The following PTCRA variants were observed in gnomAD, a reference collection of about 807,000 sequenced individuals.
PTCRA encodes pre T-cell antigen receptor alpha.
PTCRA carries 9 observed loss-of-function variants against 13.4 expected under a neutral mutation model. The ratio of observed to expected loss-of-function variants is 0.67; its 90% confidence interval spans 0.41 to 1.18. The LOEUF (loss-of-function observed/expected upper bound fraction) is 1.18, where lower values mean the gene tolerates loss of function less well. Ranked by LOEUF, PTCRA falls within the 50% of genes most tolerant of loss-of-function variation. The probability of loss-of-function intolerance (pLI) is 0.01; values close to 1 mark genes in which losing one functional copy is unlikely to be tolerated. For synonymous variants in PTCRA, 153 were observed against 161.9 expected, an observed-to-expected ratio of 0.94 and a Z score of 0.42; for missense variants, 353 against 359.8, an observed-to-expected ratio of 0.98 and a Z score of 0.15.
chr6:42,924,280 ACT>A lies in PTCRA; in HGVS notation c.424+9_424+10del, dbSNP rs961816382. 15 of 1,611,602 alleles carry A rather than the reference ACT, an allele frequency of 9.3e-6. No individual in the cohort carries two copies. Among genetic ancestry groups the A allele is most frequent in the Non-Finnish European group, 1.1e-5 (13 of 1,179,026 alleles). On this transcript the variant is annotated splice_region_variant and intron_variant, in intron 3 of 3. Transcript: ENST00000304672. ...CCCCAGGAGCCTCTCAGGGGTGAGT[ACT>A]CCGGGCAAGGGGTGGGGAATAAGAG...
In PTCRA at chr6:42,925,350, C is replaced by T. The variant is rs1767379203; in HGVS notation, c.514C>T (p.Leu172=). Residue 172 remains leucine (L), a synonymous_variant, in exon 4 of 4, where the codon CTG becomes TTG. Coordinates refer to ENST00000304672, the MANE Select transcript of PTCRA (RefSeq NM_138296.3). The surrounding 1 kb of genome is among the most constrained non-coding windows in gnomAD (Gnocchi z 4.4). ...TGACCTGCTCCTGACCTGCAGCTGC[C>T]TGTGCGACCCCGCGGGCCCGCTGCC... The part of the protein sequence containing the change: ...LFDLLLTCSC[L]CDPAGPLPSP... 1 of 1,568,404 alleles carries T rather than the reference C, an allele frequency of 6.4e-7. No individual in the cohort carries two copies. The highest frequency in any genetic ancestry group is 2.3e-5 in the East Asian group (1 of 42,758).
chr6:42,923,896 C>T (rs2114133118), intron 2 of PTCRA, among the ~76,000 whole-genome samples: 1 of 152,264 alleles, frequency 6.6e-6, no homozygotes, highest in South Asian at 2.1e-4. Context: ...GGGATTATCT[C>T]AATTTTGTCA....
At chr6:42,918,418 G>A (rs1766977160) in intron 1 of PTCRA, among the ~76,000 whole-genome samples, 1 of 151,840 alleles carries the variant, frequency 6.6e-6, no homozygotes, top group Non-Finnish European at 1.5e-5. Flanking sequence ...GCCACGCGTG[G>A]TGGTAGGTGC....
At chr6:42,917,526 A>ATATTATTATTATTAT (rs71547824) in intron 1 of PTCRA, among the ~76,000 whole-genome samples, 12 of 131,702 alleles carry the variant, frequency 9.1e-5, no homozygotes, top group East Asian at 2.2e-4. Flanking sequence ...CCAGCCCGTT[A>ATATTATTATTATTAT]TATTATTATT....
chr6:42,918,439 A>T (rs150902009), intron 1 of PTCRA, among the ~76,000 whole-genome samples: 1,802 of 152,026 alleles, frequency 0.012, 36 homozygotes, highest in African/African-American at 0.04. Context: ...CTGTAATCCC[A>T]GCTACTCAGG....
Position 42,925,672 on chromosome 6 carries a change from G to C in PTCRA, c.836G>C (p.Gly279Ala). ...AGDLPPPLQAGAA is the reference protein window; with the variant it reads ...AGDLPPPLQAAAA ...GACCTGCCTCCTCCTCTGCAGGCTGGAGCTGCCTGAGGGCAGGGCTCTACC... is the reference window on the plus strand; with the variant it reads ...GACCTGCCTCCTCCTCTGCAGGCTGCAGCTGCCTGAGGGCAGGGCTCTACC... The change falls in exon 4 of 4, where the codon GGA becomes GCA. Residue 279 changes from glycine (G) to alanine (A), a missense_variant. Coordinates refer to ENST00000304672, the MANE Select transcript of PTCRA (RefSeq NM_138296.3). This position sits in a 1 kb window ranked among gnomAD's most constrained non-coding sequence, Gnocchi z 4.4. 1 of 1,526,402 alleles carries C rather than the reference G, an allele frequency of 6.6e-7. No homozygotes were observed. Among genetic ancestry groups the C allele is most frequent in the Non-Finnish European group, 8.8e-7 (1 of 1,136,966 alleles). The allele number at this position is 1,526,402 out of a possible 1,614,324, so 94.6% of individuals were successfully genotyped here.
chr6:42,924,901 G>A (rs1017242181), intron 3 of PTCRA, among the ~76,000 whole-genome samples: 1 of 151,996 alleles, frequency 6.6e-6, no homozygotes, highest in Non-Finnish European at 1.5e-5. Flanking sequence ...AACCCGGGAG[G>A]TGGAGGTTGC....
chr6:42,921,485 T>G (rs1767160001), intron 1 of PTCRA, among the ~76,000 whole-genome samples: 1 of 143,154 alleles, frequency 7.0e-6, no homozygotes, highest in Non-Finnish European at 1.5e-5. Context: ...TGGCGTGATC[T>G]AGGCTCACTG....
chr6:42,923,408 G>A, intron 2 of PTCRA, 61 bp downstream of exon 2: 1 of 1,520,622 alleles, frequency 6.6e-7, no homozygotes, highest in Non-Finnish European at 9.1e-7. Flanking sequence ...ACCAGGATAT[G>A]GTTGGAGGGA....
chr6:42,923,312 G>T lies in PTCRA; in HGVS notation c.344G>T (p.Gly115Val), dbSNP rs755548523. ...LVCHTGPGAE[G>V]HSRSTQPMHL... ...TGCCACACTGGGCCTGGGGCTGAGGGTCACAGCAGGAGTACACAGCCCATG... is the reference window on the plus strand; with the variant it reads ...TGCCACACTGGGCCTGGGGCTGAGGTTCACAGCAGGAGTACACAGCCCATG... Residue 115 changes from glycine to valine, a missense_variant, in exon 2 of 4, where the codon GGT (glycine) becomes GTT (valine). Gly to Val is a moderately radical substitution (Grantham distance 109, BLOSUM62 -3). Coordinates refer to ENST00000304672, the MANE Select transcript of PTCRA (RefSeq NM_138296.3). 2 of 1,614,190 alleles carry T rather than the reference G, an allele frequency of 1.2e-6. No individual in the cohort carries two copies. Among genetic ancestry groups the T allele is most frequent in the Non-Finnish European group, 8.5e-7 (1 of 1,180,024 alleles).
At chr6:42,920,214 T>A (rs111271512) in intron 1 of PTCRA, among the ~76,000 whole-genome samples, 1 of 150,302 alleles carries the variant, frequency 6.7e-6, no homozygotes, top group Admixed American at 6.6e-5. Flanking sequence ...CAGCTACTCG[T>A]GAGGCTGAGG....
chr6:42,916,790 G>A (rs948221388), intron 1 of PTCRA, among the ~76,000 whole-genome samples: 1 of 152,192 alleles, frequency 6.6e-6, no homozygotes, highest in Non-Finnish European at 1.5e-5. Context: ...TGACTTTTGA[G>A]TCAGGGGGGT....
rs184782115 is a variant in PTCRA, at chr6:42,925,370, G to T, written c.534G>T (p.Pro178=). ...GCTGCCTGTGCGACCCCGCGGGCCC[G>T]CTGCCTTCCCCCGCAACCACCACCC... is the stretch of plus-strand genomic sequence containing the variant. ...TCSCLCDPAG[P]LPSPATTTRL... Residue 178 remains proline, a synonymous_variant, in exon 4 of 4, where the codon CCG becomes CCT. Coordinates refer to ENST00000304672, the MANE Select transcript of PTCRA (RefSeq NM_138296.3). The surrounding 1 kb of genome is among the most constrained non-coding windows in gnomAD (Gnocchi z 4.4). The T allele has an allele frequency of 2.6e-6, 4 of 1,556,058 alleles. No homozygotes were observed. The highest frequency in any genetic ancestry group is 1.9e-5 in the Admixed American group (1 of 52,028).
Position 42,924,095 on chromosome 6 carries a change from G to C in PTCRA, c.380-134G>C. The stretch of plus-strand genomic sequence containing the variant: ...AGCAAATGGGCTCAGGGTTTCTGCT[G>C]CTGGCTCACTTGTCCATTTACCCCA... On this transcript the variant is annotated intron_variant, in intron 2 of 3. Transcript: ENST00000304672. 5.7e-6 allele frequency: 4 copies of C among 706,424 alleles called. No homozygotes were observed. The South Asian group carries it at 7.5e-5, about 13-fold the overall frequency. The allele number at this position is 706,424 out of a possible 1,614,324, so 43.8% of individuals were successfully genotyped here. A position where few individuals can be genotyped will look rare whatever the true frequency, so the allele number is the denominator to read the frequency against.
chr6:42,925,202 C>G lies in PTCRA; in HGVS notation c.425-59C>G, dbSNP rs1407807334. The G allele has an allele frequency of 2.0e-6, 3 of 1,529,030 alleles. No homozygotes were observed. Among genetic ancestry groups the G allele is most frequent in the African/African-American group, 2.7e-5 (2 of 73,306 alleles). 94.7% of individuals were successfully genotyped at this position (1,529,030 alleles called of 1,614,324 possible). ...AGAGGACAAGGCCCTCTCCGCCGTTCTCTCCTGGGGTAGGGGGCTGCGGGC... is the reference window on the plus strand; with the variant it reads ...AGAGGACAAGGCCCTCTCCGCCGTTGTCTCCTGGGGTAGGGGGCTGCGGGC... On this transcript the variant is annotated intron_variant, in intron 3 of 3. Coordinates refer to ENST00000304672, the MANE Select transcript of PTCRA (RefSeq NM_138296.3). This position sits in a 1 kb window ranked among gnomAD's most constrained non-coding sequence, Gnocchi z 4.4.
Position 42,925,783 on chromosome 6 carries a change from C to A in PTCRA, c.*101C>A. 1 of 681,440 alleles carries A rather than the reference C, an allele frequency of 1.5e-6. No homozygotes were observed. The highest frequency in any genetic ancestry group is 2.4e-6 in the Non-Finnish European group (1 of 422,976). 42.2% of individuals were successfully genotyped at this position (681,440 alleles called of 1,614,324 possible). On this transcript the variant is annotated 3_prime_UTR_variant, in exon 4 of 4. Transcript: ENST00000304672. The surrounding 1 kb of genome is among the most constrained non-coding windows in gnomAD (Gnocchi z 4.4). ...ATGGTGATCCACCCAGTTACAGGGG[C>A]ATTTAGGGAGCAGATGACTGAGAAC...
At chr6:42,922,947 A>G (rs936401615) in intron 1 of PTCRA, 80 bp from the exon 2 acceptor site, 11 of 1,321,004 alleles carry the variant, frequency 8.3e-6, no homozygotes, top group African/African-American at 1.4e-5. Flanking sequence ...ACAGAAATGT[A>G]GAACCCTAGC....
chr6:42,924,223 C>T lies in PTCRA; in HGVS notation c.380-6C>T, dbSNP rs1228579446. ...AAAGACTCATTCGCTTCTCCCTGGACAACAGGAGAGGCTTCTACAGCCAGG... is the reference window on the plus strand; with the variant it reads ...AAAGACTCATTCGCTTCTCCCTGGATAACAGGAGAGGCTTCTACAGCCAGG... On this transcript the variant is annotated splice_region_variant and splice_polypyrimidine_tract_variant and intron_variant, in intron 2 of 3. Coordinates refer to ENST00000304672, the MANE Select transcript of PTCRA (RefSeq NM_138296.3). The T allele has an allele frequency of 6.2e-7, 1 of 1,607,778 alleles. No individual in the cohort carries two copies. Among genetic ancestry groups the T allele is most frequent in the East Asian group, 2.2e-5 (1 of 44,552 alleles).
rs1767356156 is a variant in PTCRA, at chr6:42,925,011, C to T, written c.425-250C>T. On this transcript the variant is annotated intron_variant, in intron 3 of 3. Transcript: ENST00000304672. This position sits in a 1 kb window ranked among gnomAD's most constrained non-coding sequence, Gnocchi z 4.4. ...ATTTTGAGCTAGTTACTCTCTGCAT[C>T]AGATGCTAATTAATTCCTGCGTGGC... is the stretch of plus-strand genomic sequence containing the variant. Among the ~76,000 whole-genome samples, 1 of 151,758 alleles carries T rather than the reference C, an allele frequency of 6.6e-6. No individual in the cohort carries two copies. Among genetic ancestry groups the T allele is most frequent in the South Asian group, 2.1e-4 (1 of 4,812 alleles).
Sources: allele counts gnomAD v4.1 joint callset (sites outside exome capture counted in the v4.1 genomes callset), GRCh38; gene constraint gnomAD v4.1.1; non-coding constraint Gnocchi (gnomAD v3.1); transcripts MANE v1.5; gene names NCBI Gene and HGNC (gene_info 2026-07-23, HGNC 2026-07-21).